The following ZNF385C variants were observed in gnomAD, a reference collection of about 807,000 sequenced individuals.
The protein encoded by ZNF385C is zinc finger protein 385C.
A neutral mutation model predicts 35.4 loss-of-function variants in ZNF385C; 28 were observed. That is an observed-to-expected ratio of 0.79 (90% CI 0.59 to 1.08). The LOEUF (loss-of-function observed/expected upper bound fraction) is 1.08, where lower values mean the gene tolerates loss of function less well. Among genes scored for constraint, ZNF385C ranks in the 50% least tolerant of loss-of-function variants. The pLI is 0.00. For synonymous variants in ZNF385C, 248 were observed against 248.2 expected, an observed-to-expected ratio of 1.00 and a Z score of 0.01; for missense variants, 605 against 595.6, an observed-to-expected ratio of 1.02 and a Z score of -0.16.
chr17:42,028,876 T>C lies in ZNF385C; in HGVS notation c.874A>G (p.Ser292Gly). ...PAAAAVGSSMSGEGRSEKGHL... is the reference protein window; with the variant it reads ...PAAAAVGSSMGGEGRSEKGHL... The stretch of plus-strand genomic sequence containing the variant: ...CCCTTCTCACTCCTGCCTTCCCCAC[T>C]CATGCTGCTTCCCACGGCAGCTGCC... The change falls in exon 6 of 9, where the codon AGT becomes GGT. Residue 292 changes from serine (S) to glycine (G), a missense_variant. Coordinates refer to ENST00000692273, the MANE Select transcript of ZNF385C (RefSeq NM_001392013.1). 1 of 1,550,594 alleles carries C rather than the reference T, an allele frequency of 6.4e-7. No individual in the cohort carries two copies. Among genetic ancestry groups the C allele is most frequent in the Non-Finnish European group, 8.7e-7 (1 of 1,146,992 alleles).
chr17:42,089,226 G>A (rs1457213377), intron 1 of ZNF385C, among the ~76,000 whole-genome samples: 2 of 152,052 alleles, frequency 1.3e-5, no homozygotes, highest in Non-Finnish European at 2.9e-5. Flanking sequence ...TGAGGTGGGA[G>A]GATAGCTTGA....
chr17:42,027,283 T>G (rs1236783137), intron 8 of ZNF385C, 150 bp from the exon 9 acceptor site: 12 of 730,694 alleles, frequency 1.6e-5, no homozygotes, highest in Admixed American at 2.6e-5. Flanking sequence ...CCCCAAACAT[T>G]CATTCCGAAG....
rs1555654564 is a variant in ZNF385C, at chr17:42,028,232, A to G, written c.982T>C (p.Trp328Arg). The G allele has an allele frequency of 6.5e-7, 1 of 1,537,594 alleles. No homozygotes were observed. Among genetic ancestry groups the G allele is most frequent in the East Asian group, 2.3e-5 (1 of 44,132 alleles). The change falls in exon 7 of 9, where the codon TGG becomes CGG. Residue 328 changes from tryptophan to arginine, a missense_variant. By Grantham distance (101) the Trp-to-Arg change is moderately radical (BLOSUM62 -3). Coordinates refer to ENST00000692273, the MANE Select transcript of ZNF385C (RefSeq NM_001392013.1). ...GCCCCTCGCTGACCTTCCATCATCC[A>G]CCGGTGCTTGGCTCCTGGAGAGGGA... Reference protein sequence around the residue: ...QAHNTGAKHRWMMEGQRGAPR... With the variant: ...QAHNTGAKHRRMMEGQRGAPR...
At chr17:42,086,656 C>G (rs1309436347) in intron 1 of ZNF385C, among the ~76,000 whole-genome samples, 1 of 144,864 alleles carries the variant, frequency 6.9e-6, no homozygotes, top group Non-Finnish European at 1.5e-5. Context: ...GAGCCAAGAC[C>G]CCAGCATTGC....
chr17:42,057,222 C>A (rs1397803257), intron 2 of ZNF385C, among the ~76,000 whole-genome samples: 3 of 152,092 alleles, frequency 2.0e-5, no homozygotes, highest in African/African-American at 7.2e-5. Context: ...CTCCCTGAGC[C>A]CCACTCTCCC....
intron 2 of ZNF385C, chr17:42,039,823 C>T (rs1281939797): frequency 4.5e-5 from 55 of 1,230,560 alleles, no homozygotes; most frequent in Non-Finnish European, 5.5e-5. Flanking sequence ...CACCATGTGG[C>T]CCCCCCGGCC....
At chr17:42,058,717 G>A (rs558819403) in intron 2 of ZNF385C, among the ~76,000 whole-genome samples, 56 of 152,278 alleles carry the variant, frequency 3.7e-4, no homozygotes, top group Admixed American at 9.8e-4. Flanking sequence ...GCGCAGTGGC[G>A]TGATCTCAGC....
chr17:42,034,941 A>G (rs1304189737), intron 3 of ZNF385C, among the ~76,000 whole-genome samples: 1 of 151,728 alleles, frequency 6.6e-6, no homozygotes, highest in Admixed American at 6.6e-5. Flanking sequence ...AGCCTGGCCA[A>G]GAGAAACTCC....
chr17:42,052,826 CCAAA>C lies in ZNF385C; in HGVS notation c.250+9977_250+9980del, dbSNP rs2053308504. Among the ~76,000 whole-genome samples the C allele has an allele frequency of 2.6e-5, 4 of 152,096 alleles. No individual in the cohort carries two copies. In the South Asian group the frequency reaches 8.3e-4, roughly 32 times the overall value. ...GCATCGGAGTTAAAAGAGCATATCTCCAAACAGAGTCTCTCTCCCACTCTTTCCC... is the reference window on the plus strand; with the variant it reads ...GCATCGGAGTTAAAAGAGCATATCTCCAGAGTCTCTCTCCCACTCTTTCCC... On this transcript the variant is annotated intron_variant, in intron 2 of 8. Coordinates refer to ENST00000692273, the MANE Select transcript of ZNF385C (RefSeq NM_001392013.1).
chr17:42,037,116 C>T (rs1555655552), intron 3 of ZNF385C, among the ~76,000 whole-genome samples: 3 of 152,058 alleles, frequency 2.0e-5, no homozygotes, highest in Admixed American at 1.3e-4. Context: ...CTCATGCACA[C>T]AAAGGGCACA....
intron 1 of ZNF385C, among the ~76,000 whole-genome samples, chr17:42,072,295 C>T (rs2053636526): frequency 6.6e-6 from 1 of 152,126 alleles, no homozygotes; most frequent in African/African-American, 2.4e-5. Flanking sequence ...GAGTCTCACC[C>T]TGTACTCCCT....
chr17:42,072,464 C>T (rs889733187), intron 1 of ZNF385C, among the ~76,000 whole-genome samples: 21 of 152,270 alleles, frequency 1.4e-4, no homozygotes, highest in Non-Finnish European at 2.2e-4. Flanking sequence ...AAGTGCTGAG[C>T]ACGCGGCGGG....
chr17:42,073,979 C>G (rs577952797), intron 1 of ZNF385C, among the ~76,000 whole-genome samples: 1 of 152,244 alleles, frequency 6.6e-6, no homozygotes, highest in Admixed American at 6.5e-5. Flanking sequence ...TCACCCCTGC[C>G]TTGGGCCTTG....
In ZNF385C at chr17:42,070,468, GT is replaced by G. The variant is rs57357496; in HGVS notation, c.-2-7411del. ...AAGGTGGAAGGCAGTGGAGGCCAAG[GT>G]ATATGATTCTGCCTTAGCCTGGGAG... On this transcript the variant is annotated intron_variant, in intron 1 of 8. Coordinates refer to ENST00000692273, the MANE Select transcript of ZNF385C (RefSeq NM_001392013.1). Among the ~76,000 whole-genome samples, 443 of 152,362 alleles carry G rather than the reference GT, an allele frequency of 2.9e-3. 3 individuals carry two copies. The highest frequency in any genetic ancestry group is 0.014 in the Middle Eastern group (4 of 294).
intron 2 of ZNF385C, chr17:42,042,976 G>A: frequency 8.1e-7 from 1 of 1,232,464 alleles, no homozygotes. Flanking sequence ...GCAGTACACA[G>A]TAGTCAGCAC....
intron 2 of ZNF385C, chr17:42,043,220 C>T (rs1197857403): frequency 8.1e-7 from 1 of 1,232,128 alleles, no homozygotes; most frequent in Non-Finnish European, 1.0e-6. Flanking sequence ...TTGTTCCGTA[C>T]CAGGGCCTGG....
chr17:42,043,264 TAGTCAA>T, intron 2 of ZNF385C: 6 of 1,232,278 alleles, frequency 4.9e-6, no homozygotes, highest in Non-Finnish European at 6.1e-6. Flanking sequence ...CTTCCGCTCA[TAGTCAA>T]AGTCCAGCCA....
chr17:42,049,731 C>T (rs1458576237), intron 2 of ZNF385C, among the ~76,000 whole-genome samples: 3 of 152,234 alleles, frequency 2.0e-5, no homozygotes, highest in Non-Finnish European at 2.9e-5. Flanking sequence ...CCTGCCCATT[C>T]TGCAGAACAA....
intron 1 of ZNF385C, among the ~76,000 whole-genome samples, chr17:42,067,246 A>G (rs1259230460): frequency 1.3e-5 from 2 of 152,164 alleles, no homozygotes; most frequent in Non-Finnish European, 2.9e-5. Context: ...TTGCTGACAC[A>G]TATTGATCTT....
Sources: allele counts gnomAD v4.1 joint callset (sites outside exome capture counted in the v4.1 genomes callset), GRCh38; gene constraint gnomAD v4.1.1; transcripts MANE v1.5; gene names NCBI Gene and HGNC (gene_info 2026-07-23, HGNC 2026-07-21).